The following WDR91 variants were observed in gnomAD, a reference collection of about 807,000 sequenced individuals.
The protein encoded by WDR91 is WD repeat-containing protein 91.
A neutral mutation model predicts 88.4 loss-of-function variants in WDR91; 52 were observed. The ratio of observed to expected loss-of-function variants is 0.59; its 90% confidence interval spans 0.47 to 0.74. The LOEUF (loss-of-function observed/expected upper bound fraction) is 0.74, where lower values mean the gene tolerates loss of function less well. Among genes scored for constraint, WDR91 ranks in the 30% least tolerant of loss-of-function variants. WDR91 has a pLI of 0.00. For synonymous variants in WDR91, 362 were observed against 389.5 expected (o/e 0.93, Z 0.83); for missense variants, 824 against 954.5 (o/e 0.86, Z 1.80).
chr7:135,187,228 A>G, intron 13 of WDR91, 59 bp from the exon 14 acceptor site: 1 of 1,573,648 alleles, frequency 6.4e-7, no homozygotes, highest in Non-Finnish European at 8.7e-7. Context: ...GCAGGCCTCA[A>G]GGAAGAGCCA....
rs971202769 is a variant in WDR91, at chr7:135,185,939, T to G, written c.*212A>C. The G allele has an allele frequency of 7.5e-6, 4 of 534,614 alleles. No homozygotes were observed. The Admixed American group carries it at 1.6e-4, about 22-fold the overall frequency. 33.1% of individuals were successfully genotyped at this position (534,614 alleles called of 1,614,324 possible). On this transcript the variant is annotated 3_prime_UTR_variant, in exon 15 of 15. Transcript: ENST00000354475. Reference sequence around the variant, plus strand: ...ACATGTACTCCTGGCACAGCCACAATACCAGTCTCTGGGAAGCATATGTCA... The same window carrying G: ...ACATGTACTCCTGGCACAGCCACAAGACCAGTCTCTGGGAAGCATATGTCA...
At chr7:135,197,668 G>C (rs1831421759) in intron 7 of WDR91, 1 of 207,218 alleles carries the variant, frequency 4.8e-6, no homozygotes. Flanking sequence ...ACCACAGGCT[G>C]CTTAGCACAA....
intron 1 of WDR91, among the ~76,000 whole-genome samples, chr7:135,211,051 C>G (rs1831997883): frequency 6.6e-6 from 1 of 152,222 alleles, no homozygotes; most frequent in Non-Finnish European, 1.5e-5. Context: ...TGCCAAAACG[C>G]AACCATCTAC....
chr7:135,199,274 C>T (rs1831485715), intron 6 of WDR91: 2 of 152,182 alleles, frequency 1.3e-5, no homozygotes, highest in South Asian at 4.1e-4. Flanking sequence ...GACTAACCTG[C>T]AGGGTATTTA....
rs573323032 is a variant in WDR91 at position 135,194,021 on chromosome 7, T to C, written c.1396-349A>G. Reference sequence around the variant, plus strand: ...CTGTTGGAACCCTTCCTTCCCACTCTTGGTCTGCCCAGCACCCCTCCCAGC... The same window carrying C: ...CTGTTGGAACCCTTCCTTCCCACTCCTGGTCTGCCCAGCACCCCTCCCAGC... On this transcript the variant is annotated intron_variant, in intron 9 of 14. Coordinates refer to ENST00000354475, the MANE Select transcript of WDR91 (RefSeq NM_014149.4). The C allele has an allele frequency of 1.4e-5, 4 of 279,820 alleles. No individual in the cohort carries two copies. The South Asian group carries it at 1.7e-4, about 12-fold the overall frequency. 17.3% of individuals were successfully genotyped at this position (279,820 alleles called of 1,614,324 possible). A position where few individuals can be genotyped will look rare whatever the true frequency, so the allele number is the denominator to read the frequency against.
intron 6 of WDR91, among the ~76,000 whole-genome samples, chr7:135,200,855 C>T (rs918233685): frequency 6.6e-6 from 1 of 152,172 alleles, no homozygotes; most frequent in Admixed American, 6.5e-5. Context: ...CAGAGCCTCA[C>T]AGAGCTTACC....
intron 3 of WDR91, 36 bp downstream of exon 3, chr7:135,208,755 G>T: frequency 6.5e-7 from 1 of 1,540,130 alleles, no homozygotes; most frequent in Non-Finnish European, 8.8e-7. Context: ...GGGTGCCTCA[G>T]GCTGGGCCTT....
rs758873450 is a variant in WDR91, at chr7:135,209,586, T to C, written c.293A>G (p.Tyr98Cys). ...TGAATCAACAGGCACCTGGATTGTG[T>C]AGACAAGATAAAATCGAAACAGGCT... ...KTSLFRFYLV[Y>C]TIQTNRNDKA... The change falls in exon 2 of 15, where the codon TAC (tyrosine) becomes TGC (cysteine). Residue 98 changes from tyrosine (Y) to cysteine (C), a missense_variant. Coordinates refer to ENST00000354475, the MANE Select transcript of WDR91 (RefSeq NM_014149.4). The C allele has an allele frequency of 6.2e-7, 1 of 1,606,068 alleles. No individual in the cohort carries two copies. The highest frequency in any genetic ancestry group is 8.5e-7 in the Non-Finnish European group (1 of 1,175,748).
chr7:135,209,473 A>G, intron 2 of WDR91, 103 bp downstream of exon 2: 1 of 1,179,218 alleles, frequency 8.5e-7, no homozygotes, highest in Non-Finnish European at 1.2e-6. Flanking sequence ...ACTCTTTCCC[A>G]TAGTCACATA....
chr7:135,188,021 T>G (rs1831018010), intron 13 of WDR91, among the ~76,000 whole-genome samples: 1 of 152,120 alleles, frequency 6.6e-6, no homozygotes, highest in African/African-American at 2.4e-5. Context: ...CATGTACTTT[T>G]CCTTTTTTTC....
intron 11 of WDR91, among the ~76,000 whole-genome samples, chr7:135,189,689 C>T (rs1831090322): frequency 2.0e-5 from 3 of 152,212 alleles, no homozygotes. Context: ...AATGATAATC[C>T]ATGCTTGCTC....
chr7:135,203,844 G>A (rs1290683306), intron 6 of WDR91, among the ~76,000 whole-genome samples: 2 of 152,226 alleles, frequency 1.3e-5, no homozygotes, highest in East Asian at 3.9e-4. Context: ...AACTGGCACA[G>A]GAGTGCAGGC....
At chr7:135,207,975 T>C (rs765123879) in intron 3 of WDR91, among the ~76,000 whole-genome samples, 3 of 152,224 alleles carry the variant, frequency 2.0e-5, no homozygotes, top group Non-Finnish European at 2.9e-5. Flanking sequence ...AAGGCAGTTC[T>C]GGCAAGGGTG....
At position 135,186,734 on chromosome 7, in the gene WDR91, G is replaced by T. The variant is rs948759150; in HGVS notation, c.2079+238C>A. Reference sequence around the variant, plus strand: ...GCCTCGGGCAGCTCTCTCCTGCCGGGGGGCCAGCCTGCCACACCCAGAACA... The same window carrying T: ...GCCTCGGGCAGCTCTCTCCTGCCGGTGGGCCAGCCTGCCACACCCAGAACA... On this transcript the variant is annotated intron_variant, in intron 14 of 14. Transcript: ENST00000354475. 4.6e-5 allele frequency among the ~76,000 whole-genome samples: 7 copies of T among 152,224 alleles called. 1 individual carries two copies. The highest frequency in any genetic ancestry group is 1.0e-4 in the Non-Finnish European group (7 of 68,036).
chr7:135,185,958 T>A lies in WDR91; in HGVS notation c.*193A>T. On this transcript the variant is annotated 3_prime_UTR_variant, in exon 15 of 15. Transcript: ENST00000354475. ...CCACAATACCAGTCTCTGGGAAGCA[T>A]ATGTCACCTACTCCACGTGGGTCCC... The A allele has an allele frequency of 1.8e-6, 1 of 569,018 alleles. No homozygotes were observed. The highest frequency in any genetic ancestry group is 2.9e-6 in the Non-Finnish European group (1 of 340,550). 35.2% of individuals were successfully genotyped at this position (569,018 alleles called of 1,614,324 possible).
At chr7:135,206,997 C>T in intron 4 of WDR91, 123 bp downstream of exon 4, 1 of 602,626 alleles carries the variant, frequency 1.7e-6, no homozygotes, top group Non-Finnish European at 2.7e-6. Context: ...TGACTCATTT[C>T]CATCTGAGAA....
chr7:135,192,942 A>C (rs1238006719), intron 11 of WDR91, among the ~76,000 whole-genome samples: 1 of 152,092 alleles, frequency 6.6e-6, no homozygotes, highest in Admixed American at 6.6e-5. Flanking sequence ...TATAATTCTC[A>C]TACAATTTTA....
In WDR91 at chr7:135,196,291, C is replaced by A; in HGVS notation, c.1097G>T (p.Cys366Phe). The A allele has an allele frequency of 1.2e-6, 2 of 1,603,300 alleles. No individual in the cohort carries two copies. Among genetic ancestry groups the A allele is most frequent in the South Asian group, 1.1e-5 (1 of 89,736 alleles). ...CACTGGCTCCGTGTGGAGCTCTGGG[C>A]AGGGCTCAGCCTCTGGGCCACTGGC... ...PEASGPEAEP[C>F]PELHTEPVEP... The change falls in exon 8 of 15, where the codon TGC becomes TTC. Residue 366 changes from cysteine to phenylalanine, a missense_variant. Coordinates refer to ENST00000354475, the MANE Select transcript of WDR91 (RefSeq NM_014149.4). The surrounding 1 kb of genome is among the most constrained non-coding windows in gnomAD (Gnocchi z 4.2).
At position 135,184,202 on chromosome 7, in the gene WDR91, C is replaced by A. The variant is rs11904; in HGVS notation, c.*1949G>T. On this transcript the variant is annotated 3_prime_UTR_variant, in exon 15 of 15. Transcript: ENST00000354475. ...GAAATGGGTAAAAATCGGTAAATAA[C>A]TATTTACTACTGTCTCTGGTGTTTT... 5 of 152,144 alleles carry A rather than the reference C, an allele frequency of 3.3e-5. No individual in the cohort carries two copies. The highest frequency in any genetic ancestry group is 5.9e-5 in the Non-Finnish European group (4 of 68,030). 9.4% of individuals were successfully genotyped at this position (152,144 alleles called of 1,614,324 possible).
Sources: allele counts gnomAD v4.1 joint callset (sites outside exome capture counted in the v4.1 genomes callset), GRCh38; gene constraint gnomAD v4.1.1; non-coding constraint Gnocchi (gnomAD v3.1); transcripts MANE v1.5; gene names NCBI Gene and HGNC (gene_info 2026-07-23, HGNC 2026-07-21).